The following TOGARAM1 variants were observed in gnomAD, a reference collection of about 807,000 sequenced individuals.
TOGARAM1 encodes TOG array regulator of axonemal microtubules 1, also known as TOG array regulator of axonemal microtubules protein 1.
Under a neutral mutation model 166.6 loss-of-function variants are expected in TOGARAM1, and 100 were observed. That is an observed-to-expected ratio of 0.60 (90% CI 0.51 to 0.71). The LOEUF (loss-of-function observed/expected upper bound fraction) is 0.71. Ranked by LOEUF, TOGARAM1 falls within the 30% of genes least tolerant of loss-of-function variation. TOGARAM1 has a pLI of 0.00. For missense variants in TOGARAM1, 2,029 were observed against 2,102.7 expected (o/e 0.96, Z 0.69); for synonymous variants, 758 against 763.8 (o/e 0.99, Z 0.13).
At chr14:44,994,985 G>GT (rs766681534) in intron 1 of TOGARAM1, among the ~76,000 whole-genome samples, 1 of 152,052 alleles carries the variant, frequency 6.6e-6, no homozygotes, top group Non-Finnish European at 1.5e-5. Context: ...AATGCATTCA[G>GT]TTTTTTTAAA....
In TOGARAM1 at chr14:45,066,697, T is replaced by C; in HGVS notation, c.4679T>C (p.Ile1560Thr). ...LLNAKDFRDRINGIKQLLSDT... is the reference protein window; with the variant it reads ...LLNAKDFRDRTNGIKQLLSDT... ...AATGCAAAAGACTTTCGTGATCGTA[T>C]TAATGGGATTAAGCAGCTTTTATCA... The change falls in exon 17 of 20, where the codon ATT (isoleucine) becomes ACT (threonine). Residue 1560 changes from isoleucine to threonine, a missense_variant. Around this residue, in one of 2 missense-constraint regions of TOGARAM1, gnomAD observed 576 missense variants for 670.5 expected, o/e 0.86. Transcript: ENST00000361462. The C allele has an allele frequency of 3.1e-6, 5 of 1,613,982 alleles. No individual in the cohort carries two copies. The highest frequency in any genetic ancestry group is 4.2e-6 in the Non-Finnish European group (5 of 1,179,872).
intron 1 of TOGARAM1, among the ~76,000 whole-genome samples, chr14:44,975,368 G>A (rs1472081533): frequency 6.6e-6 from 1 of 152,148 alleles, no homozygotes; most frequent in Non-Finnish European, 1.5e-5. Context: ...TAGTTTTAGT[G>A]TCTTTGAAGG....
At position 44,964,366 on chromosome 14, in the gene TOGARAM1, G is replaced by A; in HGVS notation, c.1945G>A (p.Val649Ile). The change falls in exon 1 of 20, where the codon GTA becomes ATA. Residue 649 changes from valine (V) to isoleucine (I), a missense_variant. By Grantham distance (29) the Val-to-Ile change is conservative. This residue lies in a region of TOGARAM1 where 1,453 missense variants were observed against 1,432.2 expected (regional missense o/e 1.01). Coordinates refer to ENST00000361462, the MANE Select transcript of TOGARAM1 (RefSeq NM_001308120.2). ...CAGCCCAACTATCTGTACCCGAAGG[G>A]TATTAAGTGCAGGAAAAGGAAAAAA... is the stretch of plus-strand genomic sequence containing the variant. ...SYSPTICTRR[V>I]LSAGKGKNKL... is the part of the protein sequence containing the mutation. 6.2e-7 allele frequency: 1 copy of A among 1,614,056 alleles called. No homozygotes were observed. Among genetic ancestry groups the A allele is most frequent in the South Asian group, 1.1e-5 (1 of 91,068 alleles).
Position 45,049,606 on chromosome 14 carries a change from C to T in TOGARAM1, c.4314-2830C>T, listed in dbSNP as rs1250683658. 2.0e-5 allele frequency among the ~76,000 whole-genome samples: 3 copies of T among 152,168 alleles called. No individual in the cohort carries two copies. In the East Asian group the frequency reaches 5.8e-4, roughly 29 times the overall value. ...GCTCGTTTGATTAGATTAATTCCAC[C>T]AGATCATGTCATTACTTTAAGGTTA... is the stretch of plus-strand genomic sequence containing the variant. On this transcript the variant is annotated intron_variant, in intron 14 of 19. Coordinates refer to ENST00000361462, the MANE Select transcript of TOGARAM1 (RefSeq NM_001308120.2).
chr14:45,020,288 C>T (rs560125788), intron 7 of TOGARAM1, among the ~76,000 whole-genome samples: 5 of 152,288 alleles, frequency 3.3e-5, no homozygotes, highest in South Asian at 4.1e-4. Flanking sequence ...ATAATAACAG[C>T]ATTCTTCCCC....
intron 1 of TOGARAM1, among the ~76,000 whole-genome samples, chr14:44,982,107 G>A (rs1035901895): frequency 2.0e-5 from 3 of 152,046 alleles, no homozygotes; most frequent in African/African-American, 7.2e-5. Context: ...GCCTCCCAAA[G>A]TACTGGGATT....
Position 45,043,682 on chromosome 14 carries a change from A to G in TOGARAM1, c.3813-4A>G. ...AATGATCTTGTCATTTCTTTTTCTC[A>G]TAGGGAGAAGAAAATTGAGGGACTG... On this transcript the variant is annotated splice_region_variant and splice_polypyrimidine_tract_variant and intron_variant, in intron 11 of 19. Transcript: ENST00000361462. 1 of 1,524,550 alleles carries G rather than the reference A, an allele frequency of 6.6e-7. No individual in the cohort carries two copies. The highest frequency in any genetic ancestry group is 9.1e-7 in the Non-Finnish European group (1 of 1,098,600). 94.4% of individuals were successfully genotyped at this position (1,524,550 alleles called of 1,614,324 possible).
At chr14:45,034,418 A>G (rs754825126) in intron 11 of TOGARAM1, among the ~76,000 whole-genome samples, 1 of 152,202 alleles carries the variant, frequency 6.6e-6, no homozygotes, top group Non-Finnish European at 1.5e-5. Context: ...ATAGAGCTCC[A>G]CAGAGAGCTC....
At chr14:45,018,142 C>T (rs772763105) in intron 7 of TOGARAM1, among the ~76,000 whole-genome samples, 2 of 152,110 alleles carry the variant, frequency 1.3e-5, no homozygotes, top group Non-Finnish European at 2.9e-5. Flanking sequence ...AGAAGATGCA[C>T]CTATAATCTA....
At chr14:45,053,102 G>C (rs978322726) in intron 15 of TOGARAM1, among the ~76,000 whole-genome samples, 2 of 140,878 alleles carry the variant, frequency 1.4e-5, no homozygotes, top group African/African-American at 5.3e-5. Flanking sequence ...GCAGTGGTGT[G>C]ATCTCGGCTC....
intron 7 of TOGARAM1, among the ~76,000 whole-genome samples, chr14:45,017,466 A>T (rs971466539): frequency 1.3e-5 from 2 of 152,124 alleles, no homozygotes; most frequent in Non-Finnish European, 2.9e-5. Context: ...ACTAAAATGG[A>T]ATGGAAGATC....
chr14:44,970,733 G>C (rs771974183), intron 1 of TOGARAM1, among the ~76,000 whole-genome samples: 2 of 152,166 alleles, frequency 1.3e-5, no homozygotes, highest in Admixed American at 1.3e-4. Flanking sequence ...TTTGCTGAGA[G>C]TTTTCATCAT....
At chr14:45,017,431 A>G (rs1183324732) in intron 7 of TOGARAM1, among the ~76,000 whole-genome samples, 1 of 151,706 alleles carries the variant, frequency 6.6e-6, no homozygotes, top group Non-Finnish European at 1.5e-5. Context: ...ACACACACAC[A>G]CACGTTTTTA....
chr14:45,046,754 G>A, intron 14 of TOGARAM1, 51 bp downstream of exon 14: 1 of 1,228,312 alleles, frequency 8.1e-7, no homozygotes, highest in Non-Finnish European at 1.0e-6. Context: ...GGGCTTAAAA[G>A]TAGGAAAAGA....
chr14:44,994,812 G>A (rs1285779826), intron 1 of TOGARAM1, among the ~76,000 whole-genome samples: 2 of 152,098 alleles, frequency 1.3e-5, no homozygotes, highest in East Asian at 1.9e-4. Flanking sequence ...AATAAATAAC[G>A]TGTACCTGAG....
intron 7 of TOGARAM1, among the ~76,000 whole-genome samples, chr14:45,024,927 A>T (rs995668240): frequency 2.6e-5 from 4 of 152,200 alleles, no homozygotes; most frequent in Non-Finnish European, 5.9e-5. Context: ...AAAGCAATAC[A>T]TATTTCTCTT....
chr14:45,056,798 G>A (rs1206053945), intron 16 of TOGARAM1, among the ~76,000 whole-genome samples: 3 of 151,942 alleles, frequency 2.0e-5, no homozygotes, highest in Non-Finnish European at 2.9e-5. Context: ...TATTTTTAGG[G>A]GATGTTAGTC....
At chr14:44,980,547 G>A (rs1225092844) in intron 1 of TOGARAM1, among the ~76,000 whole-genome samples, 1 of 152,104 alleles carries the variant, frequency 6.6e-6, no homozygotes, top group East Asian at 1.9e-4. Context: ...TGGGCATGGT[G>A]GCATGCACCT....
Position 45,046,545 on chromosome 14 carries a change from C to T in TOGARAM1, c.4155C>T (p.Ser1385=), listed in dbSNP as rs758641643. ...AVVSLINGGQ[S]HLHIAVRRCT... is the part of the protein sequence containing the mutation. ...TTTAATTGATCATGTCTCCTTGTAG[C>T]CATTTACACATTGCTGTAAGAAGGT... The change falls in exon 14 of 20, where the codon AGC becomes AGT. Residue 1385 remains serine, a splice_region_variant and synonymous_variant. Coordinates refer to ENST00000361462, the MANE Select transcript of TOGARAM1 (RefSeq NM_001308120.2). The T allele has an allele frequency of 3.1e-6, 4 of 1,290,844 alleles. No homozygotes were observed. The highest frequency in any genetic ancestry group is 4.0e-6 in the Non-Finnish European group (4 of 1,009,140). 80.0% of individuals were successfully genotyped at this position (1,290,844 alleles called of 1,614,324 possible). A position where few individuals can be genotyped will look rare whatever the true frequency, so the allele number is the denominator to read the frequency against.
Sources: gnomAD v4.1 joint callset for allele counts (sites outside exome capture counted in the v4.1 genomes callset) on GRCh38, gnomAD v4.1.1 for gene constraint, gnomAD v4.1.1 regional missense constraint, MANE v1.5 for transcripts, NCBI Gene and HGNC (gene_info 2026-07-23, HGNC 2026-07-21) for gene names.